The following ASB10 variants were observed in gnomAD, a reference collection of about 807,000 sequenced individuals.
The protein encoded by ASB10 is ankyrin repeat and SOCS box containing 10.
ASB10 carries 44 observed loss-of-function variants against 35.4 expected under a neutral mutation model. The ratio of observed to expected loss-of-function variants is 1.24; its 90% confidence interval spans 0.98 to 1.60. The LOEUF is 1.60. ASB10 is among the 40% of genes most tolerant of loss of function. The pLI is 0.00. For missense variants in ASB10, 647 were observed against 634.3 expected (o/e 1.02, Z -0.22); for synonymous variants, 294 against 280.4 (o/e 1.05, Z -0.49).
upstream of ASB10, chr7:151,187,627 G>A (rs779351548): frequency 1.3e-6 from 2 of 1,539,784 alleles, no homozygotes; most frequent in Non-Finnish European, 1.8e-6. The surrounding 1 kb of genome is among the most constrained non-coding windows in gnomAD (Gnocchi z 5.3). Flanking sequence ...CCCAGGCTGG[G>A]CGGGAGTGGG....
Position 151,181,080 on chromosome 7 carries a change from G to A in ASB10, c.963C>T (p.Asn321=), listed in dbSNP as rs117405757. The A allele has an allele frequency of 2.0e-5, 32 of 1,612,558 alleles. No homozygotes were observed. In the East Asian group the frequency reaches 6.9e-4, roughly 35 times the overall value. ...ELLLSCGVSA[N]TMDYGGHTPL... ...GCGTGTGTCCCCCATAGTCCATGGT[G>A]TTGGCGCTGACACCACAGGACAGGA... Residue 321 remains asparagine (N), a synonymous_variant, in exon 3 of 6, where the codon AAC becomes AAT. Transcript: ENST00000420175.
At chr7:151,182,853 T>C (rs1446348671) in intron 2 of ASB10, among the ~76,000 whole-genome samples, 1 of 151,768 alleles carries the variant, frequency 6.6e-6, no homozygotes, top group Non-Finnish European at 1.5e-5. Flanking sequence ...GAGTGGGAGG[T>C]ATAGAGGGTG....
chr7:151,177,100 A>G, intron 3 of ASB10, among the ~76,000 whole-genome samples: 1 of 152,216 alleles, frequency 6.6e-6, no homozygotes, highest in Middle Eastern at 3.4e-3. Context: ...CTGCCCACAT[A>G]TGCATTTCAA....
chr7:151,178,211 G>C (rs112195036), intron 3 of ASB10, among the ~76,000 whole-genome samples: 68 of 152,306 alleles, frequency 4.5e-4, no homozygotes, highest in African/African-American at 1.5e-3. Flanking sequence ...ATCGTGCCAC[G>C]GCACGTGTGG....
At chr7:151,177,449 TCTC>T (rs1801409556) in intron 3 of ASB10, among the ~76,000 whole-genome samples, 1 of 152,236 alleles carries the variant, frequency 6.6e-6, no homozygotes, top group Non-Finnish European at 1.5e-5. Flanking sequence ...ACCATCCTGC[TCTC>T]CTCTCTGCCT....
chr7:151,177,738 G>C (rs764949130), intron 3 of ASB10, among the ~76,000 whole-genome samples: 12 of 152,224 alleles, frequency 7.9e-5, no homozygotes, highest in Non-Finnish European at 1.6e-4. Context: ...AGGAGCAGGA[G>C]AGGATTTGGT....
intron 3 of ASB10, among the ~76,000 whole-genome samples, chr7:151,177,129 T>G (rs1040398868): frequency 5.3e-5 from 8 of 152,264 alleles, no homozygotes; most frequent in African/African-American, 1.9e-4. Context: ...CCTCCACTGC[T>G]GTAAGGGAAC....
intron 3 of ASB10, 97 bp downstream of exon 3, chr7:151,180,842 T>G (rs886640269): frequency 1.8e-4 from 252 of 1,412,792 alleles, no homozygotes; most frequent in Non-Finnish European, 2.2e-4. Flanking sequence ...AACCAATCTA[T>G]GTGCACAGGC....
intron 2 of ASB10, among the ~76,000 whole-genome samples, chr7:151,181,716 G>T (rs4726006): frequency 6.6e-6 from 1 of 151,252 alleles, no homozygotes; most frequent in African/African-American, 2.4e-5. Flanking sequence ...GGGTTCAAGC[G>T]ATTCTCCTGC....
intron 3 of ASB10, among the ~76,000 whole-genome samples, chr7:151,178,836 G>T (rs975657748): frequency 4.6e-5 from 7 of 152,138 alleles, no homozygotes; most frequent in Non-Finnish European, 1.0e-4. Context: ...CCTCCTCCAA[G>T]CTAGGGAAGA....
Position 151,181,346 on chromosome 7 carries a change from G to A in ASB10, c.697C>T (p.Leu233=). Residue 233 remains leucine (L), a synonymous_variant, in exon 3 of 6, where the codon CTG becomes TTG. Coordinates refer to ENST00000420175, the MANE Select transcript of ASB10 (RefSeq NM_001142459.2). The part of the protein sequence containing the change: ...ARLGHVELAD[L]LLRRGACPDA... ...GGACATGCCCCCCGTCTTAGAAGCA[G>A]ATCTGCCAGCTCCACATGGCCAAGC... 1 of 1,613,216 alleles carries A rather than the reference G, an allele frequency of 6.2e-7. No homozygotes were observed. Among genetic ancestry groups the A allele is most frequent in the Non-Finnish European group, 8.5e-7 (1 of 1,179,994 alleles).
chr7:151,187,787 G>A, upstream of ASB10: 19 of 1,441,852 alleles, frequency 1.3e-5, no homozygotes, highest in East Asian at 2.5e-5. This position sits in a 1 kb window ranked among gnomAD's most constrained non-coding sequence, Gnocchi z 5.3. Flanking sequence ...CTGGGCAGGT[G>A]GGTGCTGGGC....
At chr7:151,183,795 AG>A (rs1352579360) in intron 2 of ASB10, among the ~76,000 whole-genome samples, 1 of 152,134 alleles carries the variant, frequency 6.6e-6, no homozygotes, top group African/African-American at 2.4e-5. Context: ...CATGTTGGCT[AG>A]GCTGGTCTCC....
chr7:151,176,842 T>A (rs1014096476), intron 3 of ASB10, among the ~76,000 whole-genome samples, 166 bp from the exon 4 acceptor site: 1 of 152,194 alleles, frequency 6.6e-6, no homozygotes, highest in Non-Finnish European at 1.5e-5. Context: ...TCTTTGCAAA[T>A]GTTAATCAGG....
chr7:151,180,293 G>A (rs1249519793), intron 3 of ASB10, among the ~76,000 whole-genome samples: 1 of 152,260 alleles, frequency 6.6e-6, no homozygotes, highest in East Asian at 1.9e-4. Flanking sequence ...TTAAGATAAA[G>A]TAGGATATAA....
intron 2 of ASB10, among the ~76,000 whole-genome samples, chr7:151,185,727 A>G (rs894893429): frequency 2.0e-5 from 3 of 152,334 alleles, no homozygotes; most frequent in African/African-American, 7.2e-5. Flanking sequence ...CCCATCCTAC[A>G]ACGTTCCTTA....
At chr7:151,184,209 C>G (rs1052327951) in intron 2 of ASB10, among the ~76,000 whole-genome samples, 4 of 151,280 alleles carry the variant, frequency 2.6e-5, no homozygotes, top group Non-Finnish European at 4.4e-5. Flanking sequence ...GTCAGGAGAT[C>G]GAGACCATCC....
In ASB10 at chr7:151,176,278, G is replaced by A. The variant is rs1801386181; in HGVS notation, c.1238C>T (p.Ser413Phe). Residue 413 changes from serine to phenylalanine, a missense_variant, in exon 5 of 6, where the codon TCC becomes TTC. Transcript: ENST00000420175. ...ETLQKHQRFY[S>F]SLFALVRQPR... ...CTGCCTCACCAAGGCGAAGAGGGAG[G>A]AGTAGAAACGCTGATGTTTCTGGGG... is the stretch of plus-strand genomic sequence containing the variant. 1 of 1,557,014 alleles carries A rather than the reference G, an allele frequency of 6.4e-7. No homozygotes were observed. Among genetic ancestry groups the A allele is most frequent in the African/African-American group, 1.4e-5 (1 of 73,204 alleles).
rs104886473 is a variant in ASB10, at chr7:151,186,411, G to A, written c.565C>T (p.Arg189Trp). 1,521 of 1,587,348 alleles carry A rather than the reference G, an allele frequency of 9.6e-4. 2 individuals carry two copies. The highest frequency in any genetic ancestry group is 1.6e-3 in the Admixed American group (89 of 56,142). The stretch of plus-strand genomic sequence containing the variant: ...ACTCACTCAAGGGTGCCAGGCCCCC[G>A]GCAGAGATGCAGGGGGCGTTTCCCA... ...QDGKRPLHLC[R>W]GPGTLECAEL... Residue 189 changes from arginine (R) to tryptophan (W), a missense_variant, in exon 2 of 6, where the codon CGG (arginine) becomes TGG (tryptophan). Arg to Trp is a moderately radical substitution (Grantham distance 101). Coordinates refer to ENST00000420175, the MANE Select transcript of ASB10 (RefSeq NM_001142459.2).
Sources: gnomAD v4.1 joint callset for allele counts (sites outside exome capture counted in the v4.1 genomes callset) on GRCh38, gnomAD v4.1.1 for gene constraint, Gnocchi (gnomAD v3.1) non-coding constraint, MANE v1.5 for transcripts, NCBI Gene and HGNC (gene_info 2026-07-23, HGNC 2026-07-21) for gene names.